The following LPGAT1 variants were observed in gnomAD, a reference collection of about 807,000 sequenced individuals.
LPGAT1 encodes acyl-CoA:lysophosphatidylglycerol acyltransferase 1.
LPGAT1 carries 11 observed loss-of-function variants against 47.5 expected under a neutral mutation model. That is an observed-to-expected ratio of 0.23 (90% CI 0.15 to 0.38). LPGAT1 has a LOEUF of 0.38. Ranked by LOEUF, LPGAT1 falls within the 10% of genes least tolerant of loss-of-function variation. The pLI, the probability that LPGAT1 is intolerant of heterozygous loss-of-function variation, is 1.00. For missense variants in LPGAT1, 293 were observed against 439.0 expected (o/e 0.67, Z 2.97); for synonymous variants, 138 against 144.2 (o/e 0.96, Z 0.31).
intron 2 of LPGAT1, among the ~76,000 whole-genome samples, chr1:211,815,336 TG>T (rs1334770111): frequency 6.6e-6 from 1 of 152,186 alleles, no homozygotes; most frequent in Admixed American, 6.5e-5. Flanking sequence ...GGGGCATCCC[TG>T]TCACCTCTCT....
At chr1:211,753,837 G>A (rs918197765) in intron 6 of LPGAT1, among the ~76,000 whole-genome samples, 1 of 152,146 alleles carries the variant, frequency 6.6e-6, no homozygotes, top group Non-Finnish European at 1.5e-5. Flanking sequence ...ATGTGGGACT[G>A]AATGGCTGAT....
chr1:211,807,013 T>A (rs772648413), intron 2 of LPGAT1, among the ~76,000 whole-genome samples: 2 of 152,160 alleles, frequency 1.3e-5, no homozygotes, highest in Non-Finnish European at 2.9e-5. Context: ...TGATTGCCTA[T>A]GTAGACTATC....
At chr1:211,819,023 G>A (rs1660272858) in intron 2 of LPGAT1, among the ~76,000 whole-genome samples, 2 of 152,114 alleles carry the variant, frequency 1.3e-5, no homozygotes, top group African/African-American at 4.8e-5. Context: ...ACAATAGGAT[G>A]GTGGCAGTGC....
intron 2 of LPGAT1, among the ~76,000 whole-genome samples, chr1:211,803,671 T>A (rs1659654730): frequency 6.6e-6 from 1 of 152,020 alleles, no homozygotes; most frequent in Admixed American, 6.6e-5. Flanking sequence ...TACATCTTCA[T>A]AATAAAGAAA....
At chr1:211,792,463 A>C in intron 3 of LPGAT1, 1 of 143,946 alleles carries the variant, frequency 6.9e-6, no homozygotes, top group East Asian at 1.9e-4. Flanking sequence ...CTTCACCTCC[A>C]GACAGCCCTC....
Position 211,749,656 on chromosome 1 carries a change from T to C in LPGAT1, c.*243A>G. Reference sequence around the variant, plus strand: ...CTCTTCTCCAAATGTGATGTTTGCTTAAATATGTGATAGAGTGTATCTTTT... The same window carrying C: ...CTCTTCTCCAAATGTGATGTTTGCTCAAATATGTGATAGAGTGTATCTTTT... On this transcript the variant is annotated 3_prime_UTR_variant, in exon 8 of 8. Coordinates refer to ENST00000366997, the MANE Select transcript of LPGAT1 (RefSeq NM_014873.3). 1 of 417,300 alleles carries C rather than the reference T, an allele frequency of 2.4e-6. No homozygotes were observed. Among genetic ancestry groups the C allele is most frequent in the Non-Finnish European group, 4.3e-6 (1 of 234,784 alleles). The allele number at this position is 417,300 out of a possible 1,614,324, so 25.8% of individuals were successfully genotyped here.
At chr1:211,755,048 A>AC (rs1293854469) in intron 6 of LPGAT1, among the ~76,000 whole-genome samples, 1 of 149,010 alleles carries the variant, frequency 6.7e-6, no homozygotes, top group Admixed American at 6.7e-5. Context: ...TCCAAAAAAA[A>AC]AAAAAAAAGC....
At chr1:211,763,258 G>A (rs541894615) in intron 6 of LPGAT1, among the ~76,000 whole-genome samples, 1 of 152,298 alleles carries the variant, frequency 6.6e-6, no homozygotes, top group African/African-American at 2.4e-5. Context: ...TTGGTCATGA[G>A]TGTTCTGCTT....
rs199863715 is a variant in LPGAT1, at chr1:211,748,145, CA to C, written c.*1753del. Reference sequence around the variant, plus strand: ...TTTTTTTGTTTTATAGCCTACTTCTCAAAATTGTTGTGTGATTAGTGACAAC... The same window carrying C: ...TTTTTTTGTTTTATAGCCTACTTCTCAAATTGTTGTGTGATTAGTGACAAC... On this transcript the variant is annotated 3_prime_UTR_variant, in exon 8 of 8. Coordinates refer to ENST00000366997, the MANE Select transcript of LPGAT1 (RefSeq NM_014873.3). The C allele has an allele frequency of 0.024, 3,607 of 148,874 alleles. 64 individuals are homozygous for C. Among genetic ancestry groups the C allele is most frequent in the Non-Finnish European group, 0.03 (2,005 of 66,670 alleles). 9.2% of individuals were successfully genotyped at this position (148,874 alleles called of 1,614,324 possible).
chr1:211,796,395 C>CTCT (rs1659352638), intron 2 of LPGAT1, among the ~76,000 whole-genome samples: 2 of 152,180 alleles, frequency 1.3e-5, no homozygotes, highest in South Asian at 4.1e-4. Flanking sequence ...GAGACCACCA[C>CTCT]GTGATGACAG....
At chr1:211,753,184 C>A (rs72747049) in intron 6 of LPGAT1, among the ~76,000 whole-genome samples, 1 of 152,204 alleles carries the variant, frequency 6.6e-6, no homozygotes, top group African/African-American at 2.4e-5. Flanking sequence ...ACTCCTAAAT[C>A]GAATAGAATG....
At chr1:211,752,337 A>T (rs1254265063) in intron 6 of LPGAT1, among the ~76,000 whole-genome samples, 1 of 152,196 alleles carries the variant, frequency 6.6e-6, no homozygotes, top group Non-Finnish European at 1.5e-5. Flanking sequence ...AGGTATAAAA[A>T]TAAATAAAAT....
At chr1:211,771,318 G>A (rs190421842) in intron 6 of LPGAT1, among the ~76,000 whole-genome samples, 27 of 152,098 alleles carry the variant, frequency 1.8e-4, no homozygotes, top group African/African-American at 5.8e-4. Flanking sequence ...TATGATGTTC[G>A]TACAATGATG....
intron 5 of LPGAT1, among the ~76,000 whole-genome samples, chr1:211,781,280 T>C (rs1248044833): frequency 6.6e-6 from 1 of 152,224 alleles, no homozygotes; most frequent in African/African-American, 2.4e-5. Flanking sequence ...ACCATTTTTC[T>C]TCACTATTAT....
intron 5 of LPGAT1, among the ~76,000 whole-genome samples, chr1:211,781,065 G>A (rs1286240426): frequency 6.6e-6 from 1 of 152,092 alleles, no homozygotes; most frequent in African/African-American, 2.4e-5. Flanking sequence ...CGTATACATG[G>A]CATAAAATGC....
At chr1:211,760,596 T>C (rs1215277118) in intron 6 of LPGAT1, among the ~76,000 whole-genome samples, 1 of 152,246 alleles carries the variant, frequency 6.6e-6, no homozygotes, top group Non-Finnish European at 1.5e-5. Flanking sequence ...ATATTTATAA[T>C]AATTTTGGTA....
At chr1:211,775,685 T>C (rs1193618178) in intron 6 of LPGAT1, among the ~76,000 whole-genome samples, 1 of 152,094 alleles carries the variant, frequency 6.6e-6, no homozygotes, top group Non-Finnish European at 1.5e-5. Context: ...TCCCAGCACT[T>C]TGGGAGGCCG....
chr1:211,810,180 A>C (rs1434478741), intron 2 of LPGAT1, among the ~76,000 whole-genome samples: 1 of 152,186 alleles, frequency 6.6e-6, no homozygotes, highest in East Asian at 1.9e-4. Context: ...CCTCCTGTTC[A>C]CTATCCCCCA....
Position 211,830,267 on chromosome 1 carries a change from G to A in LPGAT1, c.-28+306C>T. 9.9e-7 allele frequency: 1 copy of A among 1,007,594 alleles called. No individual in the cohort carries two copies. The highest frequency in any genetic ancestry group is 1.2e-6 in the Non-Finnish European group (1 of 845,000). The allele number at this position is 1,007,594 out of a possible 1,614,324, so 62.4% of individuals were successfully genotyped here. A position where few individuals can be genotyped will look rare whatever the true frequency, so the allele number is the denominator to read the frequency against. ...GGGTCGCGGTCATGGACGCGGTGGC[G>A]GCCCAAGCGGCCCGAGGCGCTGCGC... On this transcript the variant is annotated intron_variant, in intron 1 of 7. Transcript: ENST00000366997. The surrounding 1 kb of genome is among the most constrained non-coding windows in gnomAD (Gnocchi z 5.9).
Sources: allele counts gnomAD v4.1 joint callset (sites outside exome capture counted in the v4.1 genomes callset), GRCh38; gene constraint gnomAD v4.1.1; non-coding constraint Gnocchi (gnomAD v3.1); transcripts MANE v1.5; gene names NCBI Gene and HGNC (gene_info 2026-07-23, HGNC 2026-07-21).